Variants in RNASE9 observed in about 807,000 individuals in gnomAD.
RNASE9 encodes inactive ribonuclease-like protein 9.
For synonymous variants in RNASE9, 95 were observed against 87.6 expected, an observed-to-expected ratio of 1.08 and a Z score of -0.47; for missense variants, 263 against 247.1, an observed-to-expected ratio of 1.06 and a Z score of -0.43.
chr14:20,556,779 A>G (rs755786557), exon 3 of RNASE9: 3 of 1,613,810 alleles, frequency 1.9e-6, no homozygotes, highest in Non-Finnish European at 2.5e-6. Context: ...CTGCCACCCA[A>G]CGGTGTTTGT....
chr14:20,558,666 A>G, intron 2 of RNASE9: 1 of 1,335,736 alleles, frequency 7.5e-7, no homozygotes, highest in South Asian at 1.3e-5. Flanking sequence ...GAGAACATGG[A>G]CAGTACACGT....
At chr14:20,558,732 T>C (rs1361608634) in intron 2 of RNASE9, 8 of 739,834 alleles carry the variant, frequency 1.1e-5, no homozygotes, top group Admixed American at 4.0e-5. Flanking sequence ...CCCGAGAACA[T>C]GCACAGGGCC....
rs1002354425 is a variant in RNASE9 at position 20,557,442 on chromosome 14, G to C, written c.-373C>G. 1.5e-5 allele frequency: 3 copies of C among 198,538 alleles called. No homozygotes were observed. In the Admixed American group the frequency reaches 1.6e-4, roughly 11 times the overall value. The allele number at this position is 198,538 out of a possible 1,614,324, so 12.3% of individuals were successfully genotyped here. A position where few individuals can be genotyped will look rare whatever the true frequency, so the allele number is the denominator to read the frequency against. Reference sequence around the variant, plus strand: ...CAAGACAGCAGTGGGGAGAAAGGGAGGGTGCAGAGAGGAGGCTCACATGCT... The same window carrying C: ...CAAGACAGCAGTGGGGAGAAAGGGACGGTGCAGAGAGGAGGCTCACATGCT... On this transcript the variant is annotated 5_prime_UTR_variant, in exon 3 of 3. Coordinates refer to ENST00000555230, the Ensembl canonical transcript of RNASE9.
chr14:20,560,874 C>G (rs1181784386), exon 1 of RNASE9: 2 of 152,120 alleles, frequency 1.3e-5, no homozygotes, highest in Non-Finnish European at 2.9e-5. Context: ...AACAAATTAC[C>G]TTAAATGCAA....
At chr14:20,559,162 C>T (rs1003947081) in intron 2 of RNASE9, among the ~76,000 whole-genome samples, 2 of 151,746 alleles carry the variant, frequency 1.3e-5, no homozygotes, top group South Asian at 2.1e-4. Context: ...AGTGTTGCCT[C>T]GGCTGACTCA....
chr14:20,559,103 T>G (rs1047861562), intron 2 of RNASE9, among the ~76,000 whole-genome samples: 1 of 151,726 alleles, frequency 6.6e-6, no homozygotes, highest in Non-Finnish European at 1.5e-5. Context: ...ATATACTGTT[T>G]TACTTATTAT....
At position 20,558,275 on chromosome 14, in the gene RNASE9, G is replaced by A. The variant is rs945799793; in HGVS notation, c.-1206C>T. Reference sequence around the variant, plus strand: ...GAGACCTTGATCTATCAGTGATGGAGATGGACAGCCTCCTGTTCTAGGCTG... The same window carrying A: ...GAGACCTTGATCTATCAGTGATGGAAATGGACAGCCTCCTGTTCTAGGCTG... On this transcript the variant is annotated 5_prime_UTR_variant, in exon 3 of 3. Coordinates refer to ENST00000555230, the Ensembl canonical transcript of RNASE9. The A allele has an allele frequency of 7.1e-6, 4 of 564,962 alleles. No homozygotes were observed. In the African/African-American group the frequency reaches 7.5e-5, roughly 11 times the overall value. 35.0% of individuals were successfully genotyped at this position (564,962 alleles called of 1,614,324 possible). A position where few individuals can be genotyped will look rare whatever the true frequency, so the allele number is the denominator to read the frequency against.
In RNASE9 at chr14:20,558,279, G is replaced by T. The variant is rs541320162; in HGVS notation, c.-1210C>A. ...CCTTGATCTATCAGTGATGGAGATG[G>T]ACAGCCTCCTGTTCTAGGCTGGATA... On this transcript the variant is annotated 5_prime_UTR_variant, in exon 3 of 3. Transcript: ENST00000555230. 35 of 568,312 alleles carry T rather than the reference G, an allele frequency of 6.2e-5. No individual in the cohort carries two copies. The South Asian group carries it at 6.9e-4, about 11-fold the overall frequency. 35.2% of individuals were successfully genotyped at this position (568,312 alleles called of 1,614,324 possible).
intron 2 of RNASE9, among the ~76,000 whole-genome samples, chr14:20,559,064 A>G (rs1331913925): frequency 2.0e-5 from 3 of 151,968 alleles, no homozygotes; most frequent in Non-Finnish European, 4.4e-5. Flanking sequence ...CTGTTTCTGA[A>G]CAGTTTATTG....
At chr14:20,558,835 T>G (rs1883823364) in intron 2 of RNASE9, among the ~76,000 whole-genome samples, 1 of 152,238 alleles carries the variant, frequency 6.6e-6, no homozygotes, top group South Asian at 2.1e-4. Flanking sequence ...TCAAAATCCT[T>G]TCTCATCTCA....
exon 3 of RNASE9, chr14:20,558,178 C>A: frequency 2.8e-6 from 1 of 352,526 alleles, no homozygotes. Flanking sequence ...AGTTTTCTTA[C>A]CTTACCAGGC....
At chr14:20,557,172 T>C (rs561887833) in exon 3 of RNASE9, 5 of 1,262,582 alleles carry the variant, frequency 4.0e-6, no homozygotes, top group East Asian at 2.3e-5. Context: ...ATGTTGCTGT[T>C]CTGGGCTCTA....
intron 2 of RNASE9, among the ~76,000 whole-genome samples, chr14:20,558,812 G>A (rs1883822868): frequency 6.6e-6 from 1 of 151,726 alleles, no homozygotes; most frequent in Admixed American, 6.6e-5. Context: ...TTCAACTTTT[G>A]GTTTCATTCT....
exon 3 of RNASE9, chr14:20,556,677 G>C: frequency 6.2e-7 from 1 of 1,613,510 alleles, no homozygotes; most frequent in Non-Finnish European, 8.5e-7. Context: ...CTTTGCTCCT[G>C]TTACATTTCC....
In RNASE9 at chr14:20,558,978, C is replaced by G. The variant is rs534977229; in HGVS notation, c.-1581-328G>C. Reference sequence around the variant, plus strand: ...TTTTTTCACATGGTTTATACATAATCTCATCATCAATTATTTGGGAAAAAA... The same window carrying G: ...TTTTTTCACATGGTTTATACATAATGTCATCATCAATTATTTGGGAAAAAA... On this transcript the variant is annotated intron_variant, in intron 2 of 2. Transcript: ENST00000555230. 1.4e-4 allele frequency among the ~76,000 whole-genome samples: 22 copies of G among 152,234 alleles called. No homozygotes were observed. In the South Asian group the frequency reaches 4.6e-3, roughly 32 times the overall value.
At chr14:20,556,850 C>T in exon 3 of RNASE9, 6 of 1,614,140 alleles carry the variant, frequency 3.7e-6, no homozygotes, top group Non-Finnish European at 5.1e-6. Flanking sequence ...AGTGGCATTC[C>T]AGGTTCAATA....
At chr14:20,558,628 C>A (rs762706070) in exon 3 of RNASE9, 2 of 1,541,150 alleles carry the variant, frequency 1.3e-6, no homozygotes, top group African/African-American at 2.8e-5. Context: ...CACAAGAACG[C>A]GGAGCCTCTG....
chr14:20,556,147 T>A, exon 3 of RNASE9: 1 of 282,148 alleles, frequency 3.5e-6, no homozygotes, highest in Non-Finnish European at 6.7e-6. Context: ...CATGGATGTG[T>A]CTTTGGAGCA....
chr14:20,556,375 CA>C, exon 3 of RNASE9: 1 of 1,102,748 alleles, frequency 9.1e-7, no homozygotes, highest in Non-Finnish European at 1.3e-6. Context: ...GCAAAATTAC[CA>C]TTCTCAACTT....
Sources: gnomAD v4.1 joint callset for allele counts (sites outside exome capture counted in the v4.1 genomes callset) on GRCh38, gnomAD v4.1.1 for gene constraint, MANE v1.5 for transcripts, NCBI Gene and HGNC (gene_info 2026-07-23, HGNC 2026-07-21) for gene names.